Variants in UBE2E2 observed in about 807,000 individuals in gnomAD.
UBE2E2 encodes the protein ubiquitin conjugating enzyme E2 E2, also known as ubiquitin-conjugating enzyme E2 E2.
UBE2E2 carries 6 observed loss-of-function variants against 24.7 expected under a neutral mutation model. The ratio of observed to expected loss-of-function variants is 0.24; its 90% CI spans 0.13 to 0.48. The LOEUF (loss-of-function observed/expected upper bound fraction) is 0.48, where lower values mean the gene tolerates loss of function less well. Among genes scored for constraint, UBE2E2 ranks in the 20% least tolerant of loss-of-function variants. UBE2E2 has a pLI of 0.99. For synonymous variants in UBE2E2, 104 were observed against 83.6 expected (o/e 1.24, Z -1.33); for missense variants, 169 against 245.0 (o/e 0.69, Z 2.07).
chr3:23,484,708 G>A (rs1303899072), intron 3 of UBE2E2, among the ~76,000 whole-genome samples: 1 of 152,164 alleles, frequency 6.6e-6, no homozygotes, highest in African/African-American at 2.4e-5. Context: ...CACATGGCTG[G>A]GAAGGCCTCA....
chr3:23,251,912 C>A (rs1211617877), intron 3 of UBE2E2, among the ~76,000 whole-genome samples: 1 of 152,146 alleles, frequency 6.6e-6, no homozygotes, highest in Non-Finnish European at 1.5e-5. Context: ...TGCTGCTAAC[C>A]TCATCACTCA....
At chr3:23,424,455 G>A (rs1165850984) in intron 3 of UBE2E2, among the ~76,000 whole-genome samples, 1 of 142,938 alleles carries the variant, frequency 7.0e-6, no homozygotes, top group African/African-American at 2.5e-5. Context: ...TTTTTTTTCT[G>A]TATTTGCTTT....
intron 3 of UBE2E2, among the ~76,000 whole-genome samples, chr3:23,381,560 A>G (rs1323424202): frequency 6.6e-6 from 1 of 152,130 alleles, no homozygotes; most frequent in Non-Finnish European, 1.5e-5. Context: ...ACTCTGCTGG[A>G]CCTGTCTGCC....
At chr3:23,579,111 G>C (rs1303581595) in intron 5 of UBE2E2, among the ~76,000 whole-genome samples, 1 of 152,132 alleles carries the variant, frequency 6.6e-6, no homozygotes, top group Non-Finnish European at 1.5e-5. Context: ...AAGAAAACTA[G>C]GCAGGGCGTG....
chr3:23,375,388 G>A (rs1369178078), intron 3 of UBE2E2, among the ~76,000 whole-genome samples: 1 of 152,130 alleles, frequency 6.6e-6, no homozygotes, highest in Non-Finnish European at 1.5e-5. Flanking sequence ...AATTTATGGT[G>A]TGTTTTTGAG....
intron 3 of UBE2E2, among the ~76,000 whole-genome samples, chr3:23,306,322 T>TA (rs1396269060): frequency 1.3e-5 from 2 of 152,180 alleles, no homozygotes; most frequent in Non-Finnish European, 2.9e-5. Flanking sequence ...GGAATTGAAA[T>TA]AGGCCTCCGT....
intron 5 of UBE2E2, among the ~76,000 whole-genome samples, chr3:23,563,514 T>C (rs1165900329): frequency 1.3e-5 from 2 of 152,078 alleles, no homozygotes; most frequent in African/African-American, 4.8e-5. Flanking sequence ...TTGGAATAGG[T>C]GTGTGGTGCT....
In UBE2E2 at chr3:23,335,420, C is replaced by T. The variant is rs562263928; in HGVS notation, c.227+118108C>T. ...ATAAGGCATTTTCGGGGGTAGATTG[C>T]GGAGGTAGTAAAATAAACTATAGTA... On this transcript the variant is annotated intron_variant, in intron 3 of 5. Transcript: ENST00000396703. 2.6e-4 allele frequency among the ~76,000 whole-genome samples: 39 copies of T among 152,030 alleles called. No individual in the cohort carries two copies. In the South Asian group the frequency reaches 3.3e-3, roughly 13 times the overall value.
chr3:23,433,665 G>C (rs1698117755), intron 3 of UBE2E2, among the ~76,000 whole-genome samples: 1 of 150,320 alleles, frequency 6.7e-6, no homozygotes, highest in Non-Finnish European at 1.5e-5. Context: ...TTTTTTTTAA[G>C]TTTTAAAAAC....
chr3:23,304,172 C>G (rs1026612035), intron 3 of UBE2E2, among the ~76,000 whole-genome samples: 4 of 152,142 alleles, frequency 2.6e-5, no homozygotes, highest in Admixed American at 6.5e-5. Context: ...TAGCAGGCCA[C>G]TTTTGACCGT....
chr3:23,231,577 A>G (rs1696974832), intron 3 of UBE2E2, among the ~76,000 whole-genome samples: 2 of 152,344 alleles, frequency 1.3e-5, no homozygotes, highest in South Asian at 4.1e-4. Context: ...CAATTGAATC[A>G]GTGTCCACAA....
chr3:23,559,651 T>A (rs895531856), intron 5 of UBE2E2, among the ~76,000 whole-genome samples: 2 of 152,142 alleles, frequency 1.3e-5, no homozygotes, highest in Admixed American at 1.3e-4. Context: ...TGTACAATGT[T>A]GAGTTAAGGT....
intron 3 of UBE2E2, among the ~76,000 whole-genome samples, chr3:23,453,961 A>G (rs951797102): frequency 1.3e-5 from 2 of 152,194 alleles, no homozygotes. Flanking sequence ...AAATAACTTA[A>G]AGGTATAGTT....
chr3:23,506,922 C>T (rs1350548933), intron 4 of UBE2E2, among the ~76,000 whole-genome samples: 2 of 152,194 alleles, frequency 1.3e-5, no homozygotes, highest in East Asian at 3.8e-4. Flanking sequence ...GCATGAGCCA[C>T]CACACCCAGC....
chr3:23,318,147 C>T (rs1461014862), intron 3 of UBE2E2, among the ~76,000 whole-genome samples: 1 of 151,822 alleles, frequency 6.6e-6, no homozygotes, highest in Non-Finnish European at 1.5e-5. Context: ...TTATTTATGA[C>T]AGGGTTTTAA....
At chr3:23,288,279 A>G (rs1698672041) in intron 3 of UBE2E2, among the ~76,000 whole-genome samples, 1 of 152,212 alleles carries the variant, frequency 6.6e-6, no homozygotes, top group Non-Finnish European at 1.5e-5. Flanking sequence ...TAGAAAAGAT[A>G]CTTGACATTA....
chr3:23,471,001 A>G (rs774640338), intron 3 of UBE2E2, among the ~76,000 whole-genome samples: 2 of 152,302 alleles, frequency 1.3e-5, no homozygotes, highest in East Asian at 1.9e-4. Flanking sequence ...ATTTCATTGA[A>G]GTACAATATC....
intron 3 of UBE2E2, among the ~76,000 whole-genome samples, chr3:23,414,857 A>C (rs1359326345): frequency 3.9e-5 from 6 of 152,208 alleles, no homozygotes; most frequent in Admixed American, 3.9e-4. Flanking sequence ...GCCTCACCAC[A>C]TACAGAATCT....
intron 3 of UBE2E2, among the ~76,000 whole-genome samples, chr3:23,285,404 C>T (rs1698594071): frequency 2.0e-5 from 3 of 152,118 alleles, no homozygotes; most frequent in African/African-American, 7.2e-5. Flanking sequence ...AGTGGGATTG[C>T]TGGATCATAT....
Sources: gnomAD v4.1 joint callset for allele counts (sites outside exome capture counted in the v4.1 genomes callset) on GRCh38, gnomAD v4.1.1 for gene constraint, MANE v1.5 for transcripts, NCBI Gene and HGNC (gene_info 2026-07-23, HGNC 2026-07-21) for gene names.